The following CNTNAP2 variants were observed in gnomAD, a reference collection of about 807,000 sequenced individuals.
CNTNAP2 encodes contactin-associated protein-like 2.
Under a neutral mutation model 155.2 loss-of-function variants are expected in CNTNAP2, and 98 were observed. That is an observed-to-expected ratio of 0.63 (90% CI 0.54 to 0.75). CNTNAP2 has a LOEUF of 0.75. Ranked by LOEUF, CNTNAP2 falls within the 30% of genes least tolerant of loss-of-function variation. The pLI is 0.00. For synonymous variants in CNTNAP2, 651 were observed against 631.2 expected, an observed-to-expected ratio of 1.03 and a Z score of -0.47; for missense variants, 1,727 against 1,688.1, an observed-to-expected ratio of 1.02 and a Z score of -0.40.
At chr7:147,951,205 G>A (rs1242272116) in intron 14 of CNTNAP2, among the ~76,000 whole-genome samples, 78 of 152,230 alleles carry the variant, frequency 5.1e-4, no homozygotes, top group Non-Finnish European at 1.5e-5. Flanking sequence ...GAAGAATGGA[G>A]CCCAGTAAAT....
intron 4 of CNTNAP2, among the ~76,000 whole-genome samples, chr7:147,099,781 C>A (rs565432083): frequency 6.6e-6 from 1 of 152,208 alleles, no homozygotes; most frequent in Non-Finnish European, 1.5e-5. Context: ...ATCTGTGTAG[C>A]ATTTACTTAG....
intron 12 of CNTNAP2, among the ~76,000 whole-genome samples, chr7:147,581,239 TA>T (rs1471690157): frequency 2.0e-5 from 3 of 152,240 alleles, no homozygotes; most frequent in Non-Finnish European, 4.4e-5. Context: ...TCTAGAGGTA[TA>T]AGATACTGTA....
chr7:148,369,900 A>G (rs749186428), intron 21 of CNTNAP2, among the ~76,000 whole-genome samples: 1 of 152,100 alleles, frequency 6.6e-6, no homozygotes, highest in Non-Finnish European at 1.5e-5. Context: ...CCAGAATCTA[A>G]TTTTAAATGA....
At chr7:146,267,954 A>G (rs1800021171) in intron 1 of CNTNAP2, among the ~76,000 whole-genome samples, 1 of 152,232 alleles carries the variant, frequency 6.6e-6, no homozygotes, top group African/African-American at 2.4e-5. Context: ...GTATAACAAC[A>G]TGAGAAAGCA....
intron 14 of CNTNAP2, among the ~76,000 whole-genome samples, chr7:147,943,358 C>T (rs549395125): frequency 2.0e-5 from 3 of 152,082 alleles, no homozygotes; most frequent in South Asian, 2.1e-4. Flanking sequence ...CTATTCTATA[C>T]CTTGAATTTA....
intron 21 of CNTNAP2, among the ~76,000 whole-genome samples, chr7:148,298,652 A>G (rs905556216): frequency 6.6e-6 from 1 of 152,154 alleles, no homozygotes; most frequent in African/African-American, 2.4e-5. Flanking sequence ...AATACAATCA[A>G]GTTGACACTG....
At chr7:146,281,085 A>G (rs1297887372) in intron 1 of CNTNAP2, among the ~76,000 whole-genome samples, 3 of 152,204 alleles carry the variant, frequency 2.0e-5, no homozygotes, top group Non-Finnish European at 4.4e-5. Context: ...GCAGAATTCT[A>G]CATGGGCCAA....
chr7:147,315,625 G>A (rs1425275638), intron 9 of CNTNAP2, among the ~76,000 whole-genome samples: 1 of 151,790 alleles, frequency 6.6e-6, no homozygotes, highest in African/African-American at 2.4e-5. Flanking sequence ...GGGACTACAG[G>A]AGCCCGCCAC....
intron 9 of CNTNAP2, among the ~76,000 whole-genome samples, chr7:147,325,931 C>CT (rs1036764586): frequency 7.9e-4 from 120 of 150,970 alleles, no homozygotes; most frequent in African/African-American, 1.8e-3. Flanking sequence ...TTCTATTTTC[C>CT]TTTTTTTTTG....
chr7:147,859,263 A>G (rs1799096464), intron 13 of CNTNAP2, among the ~76,000 whole-genome samples: 1 of 152,148 alleles, frequency 6.6e-6, no homozygotes, highest in African/African-American at 2.4e-5. Flanking sequence ...CAACAGAAAT[A>G]TCATATCTGC....
intron 1 of CNTNAP2, among the ~76,000 whole-genome samples, chr7:146,582,190 C>T (rs958333058): frequency 6.6e-6 from 1 of 152,086 alleles, no homozygotes; most frequent in African/African-American, 2.4e-5. Flanking sequence ...GAAAAGGTTT[C>T]CCCATAGCAA....
At chr7:147,801,902 C>T (rs550335095) in intron 13 of CNTNAP2, among the ~76,000 whole-genome samples, 10 of 141,374 alleles carry the variant, frequency 7.1e-5, no homozygotes, top group South Asian at 2.3e-4. Context: ...TAGGGGCAGC[C>T]GGGCAGAGGC....
chr7:147,121,228 T>A (rs755049232), intron 6 of CNTNAP2, 65 bp downstream of exon 6: 1 of 1,486,246 alleles, frequency 6.7e-7, no homozygotes, highest in Non-Finnish European at 9.3e-7. Flanking sequence ...CCTACTGTAT[T>A]GTATTATTGT....
intron 15 of CNTNAP2, among the ~76,000 whole-genome samples, chr7:148,062,028 A>AGAGAGTGTGT (rs1388530831): frequency 1.1e-4 from 12 of 106,016 alleles, no homozygotes; most frequent in South Asian, 3.3e-4. Flanking sequence ...AGAGAGAGAG[A>AGAGAGTGTGT]GTGTGTGTGT....
intron 9 of CNTNAP2, among the ~76,000 whole-genome samples, chr7:147,305,844 G>GT (rs888991713): frequency 6.6e-6 from 1 of 152,118 alleles, no homozygotes; most frequent in Non-Finnish European, 1.5e-5. Context: ...GGATCCTGAG[G>GT]TGTCTGAAGG....
chr7:147,979,456 G>T (rs1376421925), intron 15 of CNTNAP2, among the ~76,000 whole-genome samples: 2 of 152,082 alleles, frequency 1.3e-5, no homozygotes, highest in Non-Finnish European at 2.9e-5. Flanking sequence ...TTTTGTTATG[G>T]AATAATTACT....
At chr7:148,024,358 C>A (rs1427318420) in intron 15 of CNTNAP2, among the ~76,000 whole-genome samples, 1 of 152,052 alleles carries the variant, frequency 6.6e-6, no homozygotes, top group Non-Finnish European at 1.5e-5. Context: ...TATCTCCTAG[C>A]CACAGTGAAA....
intron 1 of CNTNAP2, among the ~76,000 whole-genome samples, chr7:146,499,625 T>C (rs1036730220): frequency 1.3e-5 from 2 of 152,024 alleles, no homozygotes; most frequent in Non-Finnish European, 2.9e-5. Context: ...TAGTGTGTGA[T>C]CTTCCCCTCC....
intron 15 of CNTNAP2, among the ~76,000 whole-genome samples, chr7:148,007,757 G>A (rs887204546): frequency 7.2e-5 from 11 of 152,126 alleles, no homozygotes; most frequent in Admixed American, 2.0e-4. Flanking sequence ...CAAATGAAGT[G>A]TGTAAGAGTA....
Sources: allele counts gnomAD v4.1 joint callset (sites outside exome capture counted in the v4.1 genomes callset), GRCh38; gene constraint gnomAD v4.1.1; transcripts MANE v1.5; gene names NCBI Gene and HGNC (gene_info 2026-07-23, HGNC 2026-07-21).